Variants in RPS6KA2 observed in about 807,000 individuals in gnomAD.
The protein encoded by RPS6KA2 is ribosomal protein S6 kinase alpha-2.
In RPS6KA2, 42 loss-of-function variants were observed where a neutral mutation model predicts 91.8. That is an observed-to-expected ratio of 0.46 (90% CI 0.36 to 0.59). RPS6KA2 has a LOEUF of 0.59. RPS6KA2 is among the 20% of genes least tolerant of loss of function. RPS6KA2 has a pLI of 0.00. For missense variants in RPS6KA2, 798 were observed against 978.5 expected, an observed-to-expected ratio of 0.82 and a Z score of 2.46; for synonymous variants, 414 against 393.6, an observed-to-expected ratio of 1.05 and a Z score of -0.61.
At chr6:166,822,463 C>A (rs1779928458) in intron 2 of RPS6KA2, among the ~76,000 whole-genome samples, 1 of 152,168 alleles carries the variant, frequency 6.6e-6, no homozygotes, top group African/African-American at 2.4e-5. Flanking sequence ...GGGTGGGAAC[C>A]CACCCTGTGG....
At chr6:166,567,845 C>T (rs1189205028) in intron 1 of RPS6KA2, among the ~76,000 whole-genome samples, 5 of 152,188 alleles carry the variant, frequency 3.3e-5, no homozygotes, top group Non-Finnish European at 7.3e-5. Flanking sequence ...GCGATCCGTG[C>T]TAAGCTTACG....
At chr6:166,460,103 C>T (rs1053903978) in intron 11 of RPS6KA2, among the ~76,000 whole-genome samples, 1 of 152,234 alleles carries the variant, frequency 6.6e-6, no homozygotes, top group East Asian at 1.9e-4. Context: ...GGCCTTGGCA[C>T]CTCTGCCAGA....
chr6:166,658,663 G>C (rs1012379263), intron 2 of RPS6KA2, among the ~76,000 whole-genome samples: 1 of 152,214 alleles, frequency 6.6e-6, no homozygotes, highest in Non-Finnish European at 1.5e-5. Context: ...CACTGATAAT[G>C]ATAAAAACAT....
chr6:166,793,298 G>A (rs12179713), intron 2 of RPS6KA2, among the ~76,000 whole-genome samples: 2 of 138,264 alleles, frequency 1.4e-5, no homozygotes, highest in African/African-American at 5.6e-5. Context: ...ACTTACAAGG[G>A]ATGTGAAGGA....
At chr6:166,819,530 T>G (rs1345151974) in intron 2 of RPS6KA2, among the ~76,000 whole-genome samples, 2 of 152,184 alleles carry the variant, frequency 1.3e-5, no homozygotes, top group Non-Finnish European at 2.9e-5. Context: ...GTGTTTTCCA[T>G]CTGCATTGAT....
rs1788285684 is a variant in RPS6KA2 at position 166,665,404 on chromosome 6, CA to C, written c.124-126621del. 6.6e-6 allele frequency among the ~76,000 whole-genome samples: 1 copy of C among 152,074 alleles called. No homozygotes were observed. Among genetic ancestry groups the C allele is most frequent in the Non-Finnish European group, 1.5e-5 (1 of 68,020 alleles). The stretch of plus-strand genomic sequence containing the variant: ...GCCTATACCCAATGTCACCCAAACC[CA>C]AAGAAGGGTTTGCAGCAGCAGCTGC... On this transcript the variant is annotated intron_variant, in intron 2 of 21. Coordinates refer to the RPS6KA2 transcript ENST00000503859. This position sits in a 1 kb window ranked among gnomAD's most constrained non-coding sequence, Gnocchi z 4.5.
intron 2 of RPS6KA2, among the ~76,000 whole-genome samples, chr6:166,851,404 T>A (rs1780740474): frequency 6.6e-6 from 1 of 152,226 alleles, no homozygotes; most frequent in Non-Finnish European, 1.5e-5. Flanking sequence ...AAGGTGATTC[T>A]TGGCTGTGAT....
chr6:166,451,358 TGCAC>T, intron 12 of RPS6KA2, 125 bp from the exon 13 acceptor site: 9 of 1,012,530 alleles, frequency 8.9e-6, no homozygotes, highest in South Asian at 3.1e-5. Flanking sequence ...TGTGTGTGTG[TGCAC>T]GTGGCGTATG....
intron 1 of RPS6KA2, among the ~76,000 whole-genome samples, chr6:166,549,487 TA>T: frequency 6.6e-6 from 1 of 152,358 alleles, no homozygotes; most frequent in Middle Eastern, 3.4e-3. Context: ...AGGAACAAAC[TA>T]CTGTTAGTCA....
At chr6:166,699,290 A>G (rs1299852159) in intron 2 of RPS6KA2, among the ~76,000 whole-genome samples, 6 of 152,200 alleles carry the variant, frequency 3.9e-5, no homozygotes, top group Admixed American at 2.0e-4. Context: ...TCACAAAGGA[A>G]GTGGGTTCTC....
intron 10 of RPS6KA2, among the ~76,000 whole-genome samples, chr6:166,483,460 G>A (rs917852257): frequency 1.2e-4 from 19 of 152,324 alleles, no homozygotes; most frequent in Middle Eastern, 3.4e-3. Context: ...AGGACGGCCC[G>A]CAAACGCTCA....
chr6:166,585,493 C>G (rs1785139174), intron 1 of RPS6KA2, among the ~76,000 whole-genome samples: 1 of 119,606 alleles, frequency 8.4e-6, no homozygotes. Context: ...TGACATCAAA[C>G]AAGTCTTTTT....
At chr6:166,633,223 A>C (rs1787138154) in intron 2 of RPS6KA2, among the ~76,000 whole-genome samples, 1 of 152,212 alleles carries the variant, frequency 6.6e-6, no homozygotes, top group African/African-American at 2.4e-5. Flanking sequence ...CCATCTCAAA[A>C]ACACCAAAAA....
rs533608031 is a variant in RPS6KA2, at chr6:166,660,597, T to C, written c.124-121813A>G. Among the ~76,000 whole-genome samples the C allele has an allele frequency of 8.5e-5, 13 of 152,312 alleles. No individual in the cohort carries two copies. The South Asian group carries it at 2.7e-3, about 32-fold the overall frequency. ...TCTATTTGAAGAAACATAAAGTGAATAATTACCTACACAATTAATAGTGTA... is the reference window on the plus strand; with the variant it reads ...TCTATTTGAAGAAACATAAAGTGAACAATTACCTACACAATTAATAGTGTA... On this transcript the variant is annotated intron_variant, in intron 2 of 21. Transcript: ENST00000503859.
intron 2 of RPS6KA2, among the ~76,000 whole-genome samples, chr6:166,706,864 A>T (rs1050663245): frequency 6.6e-6 from 1 of 152,244 alleles, no homozygotes; most frequent in Non-Finnish European, 1.5e-5. Flanking sequence ...GAAGAGTCTT[A>T]TTTTGACAGT....
Position 166,480,514 on chromosome 6 carries a change from T to TAA in RPS6KA2, c.907+8317_907+8318dup, listed in dbSNP as rs1554279396. Among the ~76,000 whole-genome samples the TAA allele has an allele frequency of 8.0e-3, 869 of 109,136 alleles. 6 individuals carry two copies. The highest frequency in any genetic ancestry group is 9.3e-3 in the Middle Eastern group (2 of 214). 71.6% of individuals were successfully genotyped at this position (109,136 alleles called of 152,430 possible). On this transcript the variant is annotated intron_variant, in intron 10 of 20. Coordinates refer to ENST00000265678, the MANE Select transcript of RPS6KA2 (RefSeq NM_021135.6). ...ATATATATATATATATATATATATA[T>TAA]AATATATTTTTTTTTTTTGAGAGAG...
At chr6:166,643,123 C>T (rs1294677399) in intron 2 of RPS6KA2, among the ~76,000 whole-genome samples, 1 of 152,202 alleles carries the variant, frequency 6.6e-6, no homozygotes, top group Non-Finnish European at 1.5e-5. Context: ...TGTCCTTTAT[C>T]TCTGATCTTC....
At chr6:166,783,673 C>A (rs566294292) in intron 2 of RPS6KA2, among the ~76,000 whole-genome samples, 1 of 152,108 alleles carries the variant, frequency 6.6e-6, no homozygotes, top group Non-Finnish European at 1.5e-5. Flanking sequence ...TATGTATACA[C>A]ATGTGCACAC....
In RPS6KA2 at chr6:166,453,741, C is replaced by T. The variant is rs7746265; in HGVS notation, c.1076-2508G>A. On this transcript the variant is annotated intron_variant, in intron 12 of 20. Coordinates refer to ENST00000265678, the MANE Select transcript of RPS6KA2 (RefSeq NM_021135.6). Reference sequence around the variant, plus strand: ...AAGAAATCGTTGTCTCAAAAAGATACCCGCACTTGGAAGCTTACTGCAGCA... The same window carrying T: ...AAGAAATCGTTGTCTCAAAAAGATATCCGCACTTGGAAGCTTACTGCAGCA... 4.1e-3 allele frequency among the ~76,000 whole-genome samples: 628 copies of T among 152,322 alleles called. 7 individuals carry two copies. The highest frequency in any genetic ancestry group is 0.014 in the African/African-American group (598 of 41,568).
Sources: gnomAD v4.1 joint callset for allele counts (sites outside exome capture counted in the v4.1 genomes callset) on GRCh38, gnomAD v4.1.1 for gene constraint, Gnocchi (gnomAD v3.1) non-coding constraint, MANE v1.5 for transcripts, NCBI Gene and HGNC (gene_info 2026-07-23, HGNC 2026-07-21) for gene names.